SPATA31D1: variants seen among roughly 807,000 people sequenced by gnomAD.
The protein encoded by SPATA31D1 is spermatogenesis-associated protein 31D1.
SPATA31D1 carries 6 observed loss-of-function variants against 13.2 expected under a neutral mutation model. The ratio of observed to expected loss-of-function variants is 0.46; its 90% CI spans 0.25 to 0.90. SPATA31D1 has a LOEUF of 0.90. Among genes scored for constraint, SPATA31D1 ranks in the 40% least tolerant of loss-of-function variants. The pLI is 0.18. For missense variants in SPATA31D1, 2,445 were observed against 1,884.7 expected (o/e 1.30, Z -5.50); for synonymous variants, 903 against 718.8 (o/e 1.26, Z -4.10).
At position 81,991,853 on chromosome 9, in the gene SPATA31D1, G is replaced by C; in HGVS notation, c.1383G>C (p.Lys461Asn). 2 of 1,613,796 alleles carry C rather than the reference G, an allele frequency of 1.2e-6. No homozygotes were observed. The highest frequency in any genetic ancestry group is 1.7e-6 in the Non-Finnish European group (2 of 1,179,738). ...SRNMLTSIAV[K>N]HDLAESFPFW... ...ATATGTTAACCTCAATTGCTGTTAA[G>C]CATGACTTGGCAGAATCCTTTCCTT... Residue 461 changes from lysine to asparagine, a missense_variant, in exon 4 of 4, where the codon AAG becomes AAC. Lys to Asn is a moderately conservative substitution (Grantham distance 94, BLOSUM62 0). Coordinates refer to ENST00000344803, the MANE Select transcript of SPATA31D1 (RefSeq NM_001001670.3).
In SPATA31D1 at chr9:81,991,786, C is replaced by T; in HGVS notation, c.1316C>T (p.Pro439Leu). The T allele has an allele frequency of 6.2e-7, 1 of 1,613,720 alleles. No homozygotes were observed. Among genetic ancestry groups the T allele is most frequent in the South Asian group, 1.1e-5 (1 of 91,068 alleles). ...AATGGAAAGAAACCAGGATCATTCC[C>T]AAAACAACTTAGGCCAAACTACCAA... ...KENGKKPGSF[P>L]KQLRPNYQLN... The change falls in exon 4 of 4, where the codon CCA becomes CTA. Residue 439 changes from proline (P) to leucine (L), a missense_variant. Transcript: ENST00000344803.
In SPATA31D1 at chr9:81,988,906, A is replaced by T; in HGVS notation, c.88A>T (p.Ile30Phe). 1 of 1,612,712 alleles carries T rather than the reference A, an allele frequency of 6.2e-7. No homozygotes were observed. Among genetic ancestry groups the T allele is most frequent in the Non-Finnish European group, 8.5e-7 (1 of 1,179,692 alleles). Residue 30 changes from isoleucine (I) to phenylalanine (F), a missense_variant, in exon 1 of 4, where the codon ATC becomes TTC. Ile to Phe is a conservative substitution (Grantham distance 21). Coordinates refer to ENST00000344803, the MANE Select transcript of SPATA31D1 (RefSeq NM_001001670.3). Reference protein sequence around the residue: ...SHWLDIDPNFICLSGLGLFIL... With the variant: ...SHWLDIDPNFFCLSGLGLFIL... ...TTGGTTGGATATCGACCCCAACTTC[A>T]TCTGCTTGAGTGGGTTGGGGTTGTT...
intron 3 of SPATA31D1, 119 bp downstream of exon 3, chr9:81,990,605 A>T: frequency 1.5e-6 from 2 of 1,329,540 alleles, no homozygotes; most frequent in Non-Finnish European, 2.1e-6. Flanking sequence ...TAGCCATAGG[A>T]ATGGGTATGT....
At chr9:81,989,139 C>T in intron 1 of SPATA31D1, 135 bp downstream of exon 1, 1 of 1,360,776 alleles carries the variant, frequency 7.3e-7, no homozygotes, top group South Asian at 1.5e-5. Context: ...GATAGAACTT[C>T]ACTCTTCTAT....
At position 81,995,067 on chromosome 9, in the gene SPATA31D1, C is replaced by T. The variant is rs546274617; in HGVS notation, c.4597C>T (p.Arg1533Cys). 3.7e-6 allele frequency: 6 copies of T among 1,613,276 alleles called. No individual in the cohort carries two copies. The highest frequency in any genetic ancestry group is 2.2e-5 in the East Asian group (1 of 44,840). ...GCCACATCCAAACCCCACTTGCCGG[C>T]GTCAGGTCAGCCTGGTGTGTCCAGC... ...PVPHPNPTCR[R>C]QVSLVCPAVP... Residue 1533 changes from arginine to cysteine, a missense_variant, in exon 4 of 4, where the codon CGT (arginine) becomes TGT (cysteine). By Grantham distance (180) the Arg-to-Cys change is radical. Transcript: ENST00000344803.
chr9:81,991,582 T>C lies in SPATA31D1; in HGVS notation c.1112T>C (p.Phe371Ser). 6.2e-7 allele frequency: 1 copy of C among 1,614,010 alleles called. No individual in the cohort carries two copies. Among genetic ancestry groups the C allele is most frequent in the Non-Finnish European group, 8.5e-7 (1 of 1,179,888 alleles). Residue 371 changes from phenylalanine to serine, a missense_variant, in exon 4 of 4, where the codon TTT becomes TCT. Phe to Ser is a radical substitution (Grantham distance 155, BLOSUM62 -2). Coordinates refer to ENST00000344803, the MANE Select transcript of SPATA31D1 (RefSeq NM_001001670.3). The part of the protein sequence containing the change: ...PHAKDSFSSN[F>S]VPSDFMEELL... ...GCCAAGGACTCTTTTTCCTCTAATT[T>C]TGTGCCATCTGATTTCATGGAGGAG... is the stretch of plus-strand genomic sequence containing the variant.
At position 81,989,109 on chromosome 9, in the gene SPATA31D1, G is replaced by T. The variant is rs11789866; in HGVS notation, c.186+105G>T. 4.1e-6 allele frequency: 6 copies of T among 1,476,346 alleles called. No homozygotes were observed. The African/African-American group carries it at 7.1e-5, about 17-fold the overall frequency. 91.5% of individuals were successfully genotyped at this position (1,476,346 alleles called of 1,614,324 possible). A position where few individuals can be genotyped will look rare whatever the true frequency, so the allele number is the denominator to read the frequency against. ...TTGGTTGGTACAGAGACATGTTTTA[G>T]ATGGGAAGTCTGAAGAGAGGATAGA... On this transcript the variant is annotated intron_variant, in intron 1 of 3. Coordinates refer to ENST00000344803, the MANE Select transcript of SPATA31D1 (RefSeq NM_001001670.3).
At chr9:81,987,549 T>G (rs1000675618), upstream of SPATA31D1, among the ~76,000 whole-genome samples, 2 of 152,124 alleles carry the variant, frequency 1.3e-5, no homozygotes, top group African/African-American at 4.8e-5. Flanking sequence ...GATGTGTATG[T>G]GTGTTTGTGT....
upstream of SPATA31D1, among the ~76,000 whole-genome samples, chr9:81,988,290 T>C (rs1824888746): frequency 2.6e-5 from 4 of 152,234 alleles, no homozygotes. Context: ...ACAAAAAATG[T>C]AATGTTCAAC....
rs781319464 is a variant in SPATA31D1 at position 81,995,007 on chromosome 9, A to G, written c.4537A>G (p.Ser1513Gly). Residue 1513 changes from serine (S) to glycine (G), a missense_variant, in exon 4 of 4, where the codon AGC (serine) becomes GGC (glycine). Coordinates refer to ENST00000344803, the MANE Select transcript of SPATA31D1 (RefSeq NM_001001670.3). Reference sequence around the variant, plus strand: ...ATTTAAGGGGAAGATACTGTGTCAAAGCCATCCCCAATCCATGCCCCACAG... The same window carrying G: ...ATTTAAGGGGAAGATACTGTGTCAAGGCCATCCCCAATCCATGCCCCACAG... ...EAFKGKILCQ[S>G]HPQSMPHRKP... 5 of 1,613,866 alleles carry G rather than the reference A, an allele frequency of 3.1e-6. No individual in the cohort carries two copies. The African/African-American group carries it at 6.7e-5, about 22-fold the overall frequency.
In SPATA31D1 at chr9:81,993,963, A is replaced by C. The variant is rs1825038642; in HGVS notation, c.3493A>C (p.Lys1165Gln). Residue 1165 changes from lysine (K) to glutamine (Q), a missense_variant, in exon 4 of 4, where the codon AAG (lysine) becomes CAG (glutamine). Coordinates refer to ENST00000344803, the MANE Select transcript of SPATA31D1 (RefSeq NM_001001670.3). ...SQTRNNLTTS[K>Q]SGSCSLTNVK... The stretch of plus-strand genomic sequence containing the variant: ...AACTAGGAACAACTTGACAACCAGC[A>C]AGTCAGGAAGCTGCTCACTGACAAA... 6.2e-7 allele frequency: 1 copy of C among 1,613,864 alleles called. No individual in the cohort carries two copies. The highest frequency in any genetic ancestry group is 1.3e-5 in the African/African-American group (1 of 75,052).
At position 81,994,137 on chromosome 9, in the gene SPATA31D1, A is replaced by G. The variant is rs1332587702; in HGVS notation, c.3667A>G (p.Thr1223Ala). 1 of 1,614,008 alleles carries G rather than the reference A, an allele frequency of 6.2e-7. No individual in the cohort carries two copies. The highest frequency in any genetic ancestry group is 8.5e-7 in the Non-Finnish European group (1 of 1,179,886). ...GCATAGCCAACCTCAGAGCCATTTC[A>G]CTGACATGTCTTTTGCCTTAGATAA... Reference protein sequence around the residue: ...RKHSQPQSHFTDMSFALDNLS... With the variant: ...RKHSQPQSHFADMSFALDNLS... The change falls in exon 4 of 4, where the codon ACT becomes GCT. Residue 1223 changes from threonine (T) to alanine (A), a missense_variant. Transcript: ENST00000344803.
chr9:81,995,185 T>C lies in SPATA31D1; in HGVS notation c.4715T>C (p.Phe1572Ser). The change falls in exon 4 of 4, where the codon TTT becomes TCT. Residue 1572 changes from phenylalanine (F) to serine (S), a missense_variant. By Grantham distance (155) the Phe-to-Ser change is radical. Transcript: ENST00000344803. ...CCAAAGCATTTACAGGGAGGAAAATTTCCCCCCACAAAATAATTCACTCCT... is the reference window on the plus strand; with the variant it reads ...CCAAAGCATTTACAGGGAGGAAAATCTCCCCCCACAAAATAATTCACTCCT... ...MLPKHLQGGKFPPTK is the reference protein window; with the variant it reads ...MLPKHLQGGKSPPTK 2.6e-6 allele frequency: 4 copies of C among 1,529,464 alleles called. No homozygotes were observed. The highest frequency in any genetic ancestry group is 3.5e-6 in the Non-Finnish European group (4 of 1,136,796). 94.7% of individuals were successfully genotyped at this position (1,529,464 alleles called of 1,614,324 possible). A position where few individuals can be genotyped will look rare whatever the true frequency, so the allele number is the denominator to read the frequency against.
rs749581299 is a variant in SPATA31D1, at chr9:81,993,365, T to C, written c.2895T>C (p.Ser965=). ...DSKDGVSKSR[S]RSTFQGEKLG... The stretch of plus-strand genomic sequence containing the variant: ...AAGATGGGGTCTCTAAGTCCCGTAG[T>C]CGAAGCACTTTTCAAGGAGAAAAGT... Residue 965 remains serine, a synonymous_variant, in exon 4 of 4, where the codon AGT becomes AGC. Coordinates refer to ENST00000344803, the MANE Select transcript of SPATA31D1 (RefSeq NM_001001670.3). 1 of 1,613,964 alleles carries C rather than the reference T, an allele frequency of 6.2e-7. No individual in the cohort carries two copies. The highest frequency in any genetic ancestry group is 1.1e-5 in the South Asian group (1 of 91,080).
In SPATA31D1 at chr9:81,994,989, G is replaced by A; in HGVS notation, c.4519G>A (p.Gly1507Arg). ...GCCCCAGAAAGTTGAGGCATTTAAG[G>A]GGAAGATACTGTGTCAAAGCCATCC... The part of the protein sequence containing the change: ...RQPQKVEAFK[G>R]KILCQSHPQS... The change falls in exon 4 of 4, where the codon GGG becomes AGG. Residue 1507 changes from glycine to arginine, a missense_variant. By Grantham distance (125) the Gly-to-Arg change is moderately radical (BLOSUM62 -2). Coordinates refer to ENST00000344803, the MANE Select transcript of SPATA31D1 (RefSeq NM_001001670.3). The A allele has an allele frequency of 6.2e-7, 1 of 1,613,970 alleles. No homozygotes were observed. Among genetic ancestry groups the A allele is most frequent in the South Asian group, 1.1e-5 (1 of 91,074 alleles).
In SPATA31D1 at chr9:81,990,945, T is replaced by C. The variant is rs746736679; in HGVS notation, c.475T>C (p.Leu159=). 1.2e-6 allele frequency: 2 copies of C among 1,613,924 alleles called. No homozygotes were observed. The highest frequency in any genetic ancestry group is 2.7e-5 in the African/African-American group (2 of 75,018). The change falls in exon 4 of 4, where the codon TTG becomes CTG. Residue 159 remains leucine, a synonymous_variant. Transcript: ENST00000344803. The part of the protein sequence containing the change: ...LKDAAPSVSP[L]ASSASATESS... ...AGATGCTGCTCCCTCTGTGTCCCCT[T>C]TGGCTTCTTCGGCTTCTGCGACTGA...
In SPATA31D1 at chr9:81,993,721, A is replaced by G. The variant is rs1217765978; in HGVS notation, c.3251A>G (p.Asp1084Gly). 3 of 1,614,026 alleles carry G rather than the reference A, an allele frequency of 1.9e-6. No homozygotes were observed. The highest frequency in any genetic ancestry group is 2.7e-5 in the African/African-American group (2 of 75,062). ...ACAGAAAGTGTCCGGACAACAGAGGATGGCAGACAGACTTTTCTGCCCCCG... is the reference window on the plus strand; with the variant it reads ...ACAGAAAGTGTCCGGACAACAGAGGGTGGCAGACAGACTTTTCTGCCCCCG... ...DLTESVRTTE[D>G]GRQTFLPPPH... The change falls in exon 4 of 4, where the codon GAT (aspartate) becomes GGT (glycine). Residue 1084 changes from aspartate (D) to glycine (G), a missense_variant. By Grantham distance (94) the Asp-to-Gly change is moderately conservative. Transcript: ENST00000344803.
Position 81,989,759 on chromosome 9 carries a change from A to T in SPATA31D1, c.187-19A>T. 1 of 1,613,404 alleles carries T rather than the reference A, an allele frequency of 6.2e-7. No individual in the cohort carries two copies. Among genetic ancestry groups the T allele is most frequent in the Admixed American group, 1.7e-5 (1 of 59,986 alleles). On this transcript the variant is annotated intron_variant, in intron 1 of 3. Coordinates refer to ENST00000344803, the MANE Select transcript of SPATA31D1 (RefSeq NM_001001670.3). ...GAGAAGTGAGTCCCAGCCTGTCATT[A>T]TCTGTCTTTTGTTCTCAGCATCAGG...
Position 81,992,690 on chromosome 9 carries a change from G to A in SPATA31D1, c.2220G>A (p.Gln740=), listed in dbSNP as rs1452492185. The part of the protein sequence containing the change: ...GPLNISLVEG[Q]RCNVLKKSAS... The stretch of plus-strand genomic sequence containing the variant: ...TAAATATCTCTTTGGTTGAGGGTCA[G>A]AGGTGCAATGTTCTAAAGAAGTCCG... Residue 740 remains glutamine, a synonymous_variant, in exon 4 of 4, where the codon CAG becomes CAA. Transcript: ENST00000344803. 1.9e-6 allele frequency: 3 copies of A among 1,613,720 alleles called. No individual in the cohort carries two copies. The highest frequency in any genetic ancestry group is 2.2e-5 in the South Asian group (2 of 91,084).
Sources: allele counts gnomAD v4.1 joint callset (sites outside exome capture counted in the v4.1 genomes callset), GRCh38; gene constraint gnomAD v4.1.1; transcripts MANE v1.5; gene names NCBI Gene and HGNC (gene_info 2026-07-23, HGNC 2026-07-21).